The following GRM5 variants were observed in gnomAD, a reference collection of about 807,000 sequenced individuals.
The protein encoded by GRM5 is metabotropic glutamate receptor 5.
In GRM5, 19 loss-of-function variants were observed where a neutral mutation model predicts 83.1. The observed-to-expected ratio is 0.23, with a 90% CI of 0.16 to 0.34. The LOEUF is 0.34. Ranked by LOEUF, GRM5 falls within the 10% of genes least tolerant of loss-of-function variation. The pLI is 1.00. For missense variants in GRM5, 1,160 were observed against 1,588.3 expected, an observed-to-expected ratio of 0.73 and a Z score of 4.58; for synonymous variants, 675 against 633.6, an observed-to-expected ratio of 1.07 and a Z score of -0.98.
intron 3 of GRM5, among the ~76,000 whole-genome samples, chr11:88,748,310 C>A (rs1416543012): frequency 2.6e-5 from 4 of 152,110 alleles, no homozygotes; most frequent in African/African-American, 9.7e-5. Flanking sequence ...ATAGCTATAC[C>A]TAGGAAGGGA....
At chr11:88,701,596 G>C (rs554885579) in intron 3 of GRM5, among the ~76,000 whole-genome samples, 1 of 152,206 alleles carries the variant, frequency 6.6e-6, no homozygotes, top group East Asian at 1.9e-4. Flanking sequence ...GCTATTTCTA[G>C]TACAGATAGT....
intron 2 of GRM5, among the ~76,000 whole-genome samples, chr11:88,896,910 C>G (rs1945236573): frequency 6.6e-6 from 1 of 151,866 alleles, no homozygotes; most frequent in African/African-American, 2.4e-5. Context: ...ACCCTGCAAT[C>G]CAGTCAAGTT....
At chr11:88,653,445 T>G in intron 3 of GRM5, 42 bp from the exon 4 acceptor site, 1 of 1,357,544 alleles carries the variant, frequency 7.4e-7, no homozygotes, top group Non-Finnish European at 1.0e-6. Context: ...AACAGATATC[T>G]CCTAAGCAAA....
chr11:88,785,668 C>A (rs1231713145), intron 3 of GRM5, among the ~76,000 whole-genome samples: 1 of 152,046 alleles, frequency 6.6e-6, no homozygotes, highest in South Asian at 2.1e-4. Flanking sequence ...TTAGTCATTT[C>A]TACTACAGGT....
chr11:88,963,113 C>A (rs561906351), intron 2 of GRM5, among the ~76,000 whole-genome samples: 7 of 151,708 alleles, frequency 4.6e-5, no homozygotes, highest in South Asian at 2.1e-4. Flanking sequence ...AACAAACAAA[C>A]AAAAAAAACT....
intron 3 of GRM5, among the ~76,000 whole-genome samples, chr11:88,799,508 TTTA>T (rs1192769822): frequency 6.6e-6 from 1 of 152,126 alleles, no homozygotes; most frequent in Non-Finnish European, 1.5e-5. Context: ...CAAATTATGT[TTTA>T]TTATGAGTGC....
chr11:88,815,781 G>A (rs954168126), intron 3 of GRM5, among the ~76,000 whole-genome samples: 5 of 152,128 alleles, frequency 3.3e-5, no homozygotes, highest in Admixed American at 6.5e-5. Flanking sequence ...ATGAGGAATC[G>A]GTTCCCATAC....
At chr11:88,669,392 T>A (rs1437712347) in intron 3 of GRM5, among the ~76,000 whole-genome samples, 3 of 152,112 alleles carry the variant, frequency 2.0e-5, no homozygotes, top group Non-Finnish European at 4.4e-5. Context: ...GTTGAAATAT[T>A]TCTTCCTGAT....
In GRM5 at chr11:88,508,633, G is replaced by C. The variant is rs1941248983; in HGVS notation, c.3598C>G (p.Leu1200Val). 1.9e-6 allele frequency: 3 copies of C among 1,610,220 alleles called. No homozygotes were observed. The highest frequency in any genetic ancestry group is 2.2e-5 in the South Asian group (2 of 91,038). The stretch of plus-strand genomic sequence containing the variant: ...CTCTGAGTGTAATCTCTTATGATAA[G>C]AGTGTCATATTTGGGAGACGACGGG... ...CIPSSPKYDT[L>V]IIRDYTQSSS... Residue 1200 changes from leucine (L) to valine (V), a missense_variant, in exon 10 of 10, where the codon CTT (leucine) becomes GTT (valine). Physicochemically the swap from Leu to Val is conservative, Grantham distance 32 (BLOSUM62 1). This residue lies in a region of GRM5 where 562 missense variants were observed against 532.4 expected (regional missense o/e 1.06). Transcript: ENST00000305447. This position sits in a 1 kb window ranked among gnomAD's most constrained non-coding sequence, Gnocchi z 4.2.
At chr11:88,702,428 T>A (rs750296285) in intron 3 of GRM5, among the ~76,000 whole-genome samples, 22 of 152,056 alleles carry the variant, frequency 1.4e-4, no homozygotes, top group Non-Finnish European at 2.6e-4. Flanking sequence ...CTCTCACAGG[T>A]GTCACCAAAA....
At chr11:89,014,059 T>C (rs1940783576) in intron 2 of GRM5, among the ~76,000 whole-genome samples, 1 of 152,142 alleles carries the variant, frequency 6.6e-6, no homozygotes, top group Non-Finnish European at 1.5e-5. Context: ...CTGGAGATAT[T>C]TGCTACATAG....
chr11:88,929,018 C>T (rs865922571), intron 2 of GRM5, among the ~76,000 whole-genome samples: 3 of 151,532 alleles, frequency 2.0e-5, no homozygotes, highest in Non-Finnish European at 4.4e-5. Context: ...AAGTTGATAA[C>T]ATTGCTCTTT....
intron 3 of GRM5, among the ~76,000 whole-genome samples, chr11:88,687,121 G>C (rs1940646986): frequency 6.6e-6 from 1 of 151,988 alleles, no homozygotes; most frequent in African/African-American, 2.4e-5. Flanking sequence ...ATTAGGCTCT[G>C]GTACAACTCT....
At chr11:88,703,609 T>A (rs533055706) in intron 3 of GRM5, among the ~76,000 whole-genome samples, 2 of 152,154 alleles carry the variant, frequency 1.3e-5, no homozygotes, top group African/African-American at 4.8e-5. Flanking sequence ...AGGGACCCGG[T>A]GGGAGGTAAT....
intron 4 of GRM5, among the ~76,000 whole-genome samples, chr11:88,633,840 T>C (rs1939046890): frequency 6.6e-6 from 1 of 152,214 alleles, no homozygotes; most frequent in Admixed American, 6.5e-5. Context: ...TTTTAGTTAA[T>C]TTTTATATAC....
chr11:88,617,534 C>G (rs1177746700), intron 4 of GRM5, among the ~76,000 whole-genome samples: 1 of 152,172 alleles, frequency 6.6e-6, no homozygotes, highest in African/African-American at 2.4e-5. Flanking sequence ...GAAAATGACA[C>G]CCTACAAATC....
chr11:88,671,627 AATAAT>A (rs1940196311), intron 3 of GRM5, among the ~76,000 whole-genome samples: 1 of 152,110 alleles, frequency 6.6e-6, no homozygotes, highest in Admixed American at 6.6e-5. Context: ...AAGGAAAATG[AATAAT>A]ATAATAAACA....
At chr11:89,016,198 T>C (rs1034961744) in intron 2 of GRM5, among the ~76,000 whole-genome samples, 7 of 149,558 alleles carry the variant, frequency 4.7e-5, no homozygotes, top group African/African-American at 1.7e-4. Context: ...ATTATATATG[T>C]TATGTATTAT....
intron 2 of GRM5, among the ~76,000 whole-genome samples, chr11:88,943,720 C>G (rs977611239): frequency 2.0e-5 from 3 of 151,754 alleles, no homozygotes; most frequent in African/African-American, 7.3e-5. Context: ...ATCTTAATAA[C>G]ATTGAATTTG....
Sources: allele counts gnomAD v4.1 joint callset (sites outside exome capture counted in the v4.1 genomes callset), GRCh38; gene constraint gnomAD v4.1.1; regional missense constraint gnomAD v4.1.1; non-coding constraint Gnocchi (gnomAD v3.1); transcripts MANE v1.5; gene names NCBI Gene and HGNC (gene_info 2026-07-23, HGNC 2026-07-21).